The following ENOX1 variants were observed in gnomAD, a reference collection of about 807,000 sequenced individuals.
ENOX1 encodes the protein candidate growth-related and time keeping constitutive hydroquinone (NADH) oxidase.
ENOX1 carries 42 observed loss-of-function variants against 82.5 expected under a neutral mutation model. That is an observed-to-expected ratio of 0.51 (90% CI 0.40 to 0.66). The LOEUF (loss-of-function observed/expected upper bound fraction) is 0.66, where lower values mean the gene tolerates loss of function less well. ENOX1 is among the 30% of genes least tolerant of loss of function. ENOX1 has a pLI of 0.00. For missense variants in ENOX1, 608 were observed against 811.6 expected, an observed-to-expected ratio of 0.75 and a Z score of 3.05; for synonymous variants, 271 against 282.2, an observed-to-expected ratio of 0.96 and a Z score of 0.40.
intron 1 of ENOX1, among the ~76,000 whole-genome samples, chr13:43,775,509 A>G (rs1355775831): frequency 6.6e-6 from 1 of 152,158 alleles, no homozygotes; most frequent in Non-Finnish European, 1.5e-5. Flanking sequence ...GCCTCAGGTC[A>G]GTAGACCTGG....
At chr13:43,333,258 C>T (rs1212669963) in intron 9 of ENOX1, among the ~76,000 whole-genome samples, 5 of 152,192 alleles carry the variant, frequency 3.3e-5, no homozygotes, top group Non-Finnish European at 1.5e-5. Context: ...TGGCAAGTTG[C>T]ACTCTATGTC....
intron 2 of ENOX1, among the ~76,000 whole-genome samples, chr13:43,664,176 AT>A: frequency 6.7e-6 from 1 of 150,148 alleles, no homozygotes; most frequent in East Asian, 2.1e-4. Context: ...CTAAAAAGAC[AT>A]AAGAATCATT....
At chr13:43,714,156 T>C in intron 1 of ENOX1, among the ~76,000 whole-genome samples, 1 of 152,014 alleles carries the variant, frequency 6.6e-6, no homozygotes, top group Non-Finnish European at 1.5e-5. Context: ...TATTTCTGCC[T>C]TCATTTCGTT....
intron 2 of ENOX1, among the ~76,000 whole-genome samples, chr13:43,600,238 C>T (rs2081646079): frequency 1.3e-5 from 2 of 152,168 alleles, no homozygotes; most frequent in African/African-American, 4.8e-5. Context: ...TCTTGTGGTT[C>T]TCAATTCCAG....
chr13:43,469,364 G>T (rs796286736), intron 3 of ENOX1, among the ~76,000 whole-genome samples: 51 of 152,040 alleles, frequency 3.4e-4, no homozygotes, highest in African/African-American at 1.2e-3. Context: ...CAATTTGCTA[G>T]TATCTTGCTG....
chr13:43,372,050 G>T (rs1407076061), intron 5 of ENOX1, among the ~76,000 whole-genome samples: 4 of 152,084 alleles, frequency 2.6e-5, no homozygotes, highest in African/African-American at 4.8e-5. Context: ...ATGAAAGAAA[G>T]AAATTATAAA....
At chr13:43,408,072 A>C (rs2053906541) in intron 5 of ENOX1, among the ~76,000 whole-genome samples, 1 of 152,236 alleles carries the variant, frequency 6.6e-6, no homozygotes, top group African/African-American at 2.4e-5. Context: ...TCCTGTGAAG[A>C]AGGTAAACAG....
chr13:43,595,028 A>T (rs1048143670), intron 2 of ENOX1, among the ~76,000 whole-genome samples: 2 of 150,942 alleles, frequency 1.3e-5, no homozygotes, highest in Admixed American at 1.3e-4. Context: ...AGGCGGGTGG[A>T]GATCTGGAAG....
At chr13:43,294,334 T>C (rs1360429052) in intron 12 of ENOX1, among the ~76,000 whole-genome samples, 1 of 152,226 alleles carries the variant, frequency 6.6e-6, no homozygotes, top group East Asian at 1.9e-4. Context: ...ATTCTGATTT[T>C]TAAGCGGATT....
chr13:43,674,537 T>C (rs978517513), intron 1 of ENOX1, among the ~76,000 whole-genome samples: 6 of 151,750 alleles, frequency 4.0e-5, no homozygotes, highest in Non-Finnish European at 8.8e-5. Context: ...AAACTCAAAC[T>C]ATGGAGACAG....
intron 5 of ENOX1, 68 bp downstream of exon 5, chr13:43,411,848 A>G: frequency 1.3e-6 from 2 of 1,588,294 alleles, no homozygotes; most frequent in Non-Finnish European, 1.7e-6. Context: ...CAGAGAGATT[A>G]CCAGGCACCT....
chr13:43,642,074 G>A (rs1360055147), intron 2 of ENOX1, among the ~76,000 whole-genome samples: 1 of 152,024 alleles, frequency 6.6e-6, no homozygotes, highest in East Asian at 1.9e-4. Context: ...TTTTACAGAA[G>A]AGAAAACAAA....
At chr13:43,359,418 G>T (rs1476826974) in intron 7 of ENOX1, among the ~76,000 whole-genome samples, 2 of 152,166 alleles carry the variant, frequency 1.3e-5, no homozygotes, top group Non-Finnish European at 2.9e-5. Flanking sequence ...CTTCTCCTAG[G>T]GCCCCTAAGC....
rs576728905 is a variant in ENOX1, at chr13:43,754,420, C to T, written c.-285+32232G>A. On this transcript the variant is annotated intron_variant, in intron 1 of 16. Coordinates refer to ENST00000690772, the MANE Select transcript of ENOX1 (RefSeq NM_001347969.2). ...TGATCTCGGCTCACTGCAACCCCCA[C>T]CTCCTGGGTTCAAGCAATTCTCCTG... Among the ~76,000 whole-genome samples, 395 of 148,086 alleles carry T rather than the reference C, an allele frequency of 2.7e-3. 1 individual carries two copies. The highest frequency in any genetic ancestry group is 5.2e-3 in the Non-Finnish European group (345 of 66,630).
At chr13:43,468,184 C>CTT (rs113334472) in intron 3 of ENOX1, among the ~76,000 whole-genome samples, 1,513 of 150,204 alleles carry the variant, frequency 0.01, 31 homozygotes, top group African/African-American at 0.035. Context: ...TCATAAATTC[C>CTT]TTTTTTTTTC....
At chr13:43,352,812 A>G (rs1432024416) in intron 8 of ENOX1, among the ~76,000 whole-genome samples, 1 of 152,208 alleles carries the variant, frequency 6.6e-6, no homozygotes, top group Non-Finnish European at 1.5e-5. Context: ...ACCTGGTCCC[A>G]GAAGATCCTC....
chr13:43,607,325 A>T (rs1278669434), intron 2 of ENOX1, among the ~76,000 whole-genome samples: 1 of 152,136 alleles, frequency 6.6e-6, no homozygotes, highest in Non-Finnish European at 1.5e-5. Flanking sequence ...TATTGTGCAT[A>T]GAGTTTCCTT....
At chr13:43,552,620 C>T (rs1020163998) in intron 2 of ENOX1, among the ~76,000 whole-genome samples, 45 of 152,250 alleles carry the variant, frequency 3.0e-4, no homozygotes, top group African/African-American at 9.9e-4. Flanking sequence ...GAAATTGCTG[C>T]TGCCTACATG....
At chr13:43,272,265 C>T (rs2044730399) in intron 12 of ENOX1, among the ~76,000 whole-genome samples, 1 of 152,152 alleles carries the variant, frequency 6.6e-6, no homozygotes. Flanking sequence ...TTCAGATTAC[C>T]CCAATTCTTC....
Sources: allele counts gnomAD v4.1 joint callset (sites outside exome capture counted in the v4.1 genomes callset), GRCh38; gene constraint gnomAD v4.1.1; transcripts MANE v1.5; gene names NCBI Gene and HGNC (gene_info 2026-07-23, HGNC 2026-07-21).